Variants in CSMD2 observed in about 807,000 individuals in gnomAD.
CSMD2 encodes the protein CUB and Sushi multiple domains 2, also known as CUB and sushi domain-containing protein 2.
A neutral mutation model predicts 398.5 loss-of-function variants in CSMD2; 130 were observed. The ratio of observed to expected loss-of-function variants is 0.33; its 90% CI spans 0.28 to 0.38. The LOEUF is 0.38. CSMD2 is among the 10% of genes least tolerant of loss of function. The pLI is 1.00. For missense variants in CSMD2, 3,829 were observed against 4,764.9 expected (o/e 0.80, Z 5.78); for synonymous variants, 1,828 against 1,908.5 (o/e 0.96, Z 1.10).
intron 44 of CSMD2, chr1:33,592,402 G>A: frequency 1.4e-6 from 1 of 715,780 alleles, no homozygotes. Flanking sequence ...GTCAGCTCAG[G>A]TGTCCACCTC....
rs1248671026 is a variant in CSMD2 at position 34,164,210 on chromosome 1, C to G, written c.187+701G>C. Among the ~76,000 whole-genome samples the G allele has an allele frequency of 6.6e-6, 1 of 152,058 alleles. No homozygotes were observed. Among genetic ancestry groups the G allele is most frequent in the Non-Finnish European group, 1.5e-5 (1 of 67,980 alleles). On this transcript the variant is annotated intron_variant, in intron 1 of 70. Coordinates refer to ENST00000373381, the MANE Select transcript of CSMD2 (RefSeq NM_001281956.2). This position sits in a 1 kb window ranked among gnomAD's most constrained non-coding sequence, Gnocchi z 6.2. ...CCTCCCCCGCCTCGGGCTACAACCC[C>G]CACCCCCTCCTTCCCATCCCTCAAC...
At chr1:33,984,880 CAGGCAGGA>C (rs1387662392) in intron 3 of CSMD2, among the ~76,000 whole-genome samples, 41 of 145,490 alleles carry the variant, frequency 2.8e-4, no homozygotes, top group African/African-American at 1.1e-3. Context: ...GGCAGGCAGG[CAGGCAGGA>C]AGGAAGGAAG....
chr1:33,844,766 G>A (rs1324463248), intron 6 of CSMD2, among the ~76,000 whole-genome samples: 2 of 152,168 alleles, frequency 1.3e-5, no homozygotes, highest in Non-Finnish European at 2.9e-5. Context: ...ATTGAACAAA[G>A]TAATAAATGC....
intron 1 of CSMD2, among the ~76,000 whole-genome samples, chr1:34,136,640 T>C (rs1480734706): frequency 6.6e-6 from 1 of 152,202 alleles, no homozygotes; most frequent in Non-Finnish European, 1.5e-5. Context: ...TCAATTCCCA[T>C]GATGCCTTTA....
At chr1:34,139,618 A>G (rs924252989) in intron 1 of CSMD2, among the ~76,000 whole-genome samples, 2 of 152,212 alleles carry the variant, frequency 1.3e-5, no homozygotes, top group African/African-American at 4.8e-5. Flanking sequence ...AAACTGACAT[A>G]CCCACATATA....
At chr1:33,801,319 G>T (rs1165503625) in intron 10 of CSMD2, among the ~76,000 whole-genome samples, 1 of 152,178 alleles carries the variant, frequency 6.6e-6, no homozygotes, top group Non-Finnish European at 1.5e-5. Context: ...TGTTCATACT[G>T]AGAAGCTGCA....
intron 41 of CSMD2, chr1:33,605,848 C>T: frequency 1.2e-6 from 2 of 1,606,664 alleles, no homozygotes; most frequent in Non-Finnish European, 1.7e-6. Flanking sequence ...TTTCATGTTG[C>T]TTATCTCATT....
At chr1:34,078,077 C>G (rs1329602779) in intron 2 of CSMD2, among the ~76,000 whole-genome samples, 2 of 152,036 alleles carry the variant, frequency 1.3e-5, no homozygotes, top group East Asian at 3.8e-4. Context: ...TCAAACAATC[C>G]TCTTGCCTCA....
At chr1:34,115,958 C>A (rs1047088997) in intron 1 of CSMD2, among the ~76,000 whole-genome samples, 1 of 151,356 alleles carries the variant, frequency 6.6e-6, no homozygotes, top group Non-Finnish European at 1.5e-5. Context: ...AGAAGATGCA[C>A]CAAAGAATAT....
chr1:33,651,650 T>C (rs1427152290), intron 28 of CSMD2, among the ~76,000 whole-genome samples: 1 of 151,790 alleles, frequency 6.6e-6, no homozygotes, highest in Admixed American at 6.6e-5. Context: ...CTGGGAAGAG[T>C]AACTTCACAC....
Position 33,825,687 on chromosome 1 carries a change from G to T in CSMD2, c.1111+10C>A. 6.3e-7 allele frequency: 1 copy of T among 1,592,784 alleles called. No individual in the cohort carries two copies. Among genetic ancestry groups the T allele is most frequent in the East Asian group, 2.3e-5 (1 of 43,940 alleles). On this transcript the variant is annotated intron_variant, in intron 7 of 70. Coordinates refer to ENST00000373381, the MANE Select transcript of CSMD2 (RefSeq NM_001281956.2). ...AGGCCCGGCAGGCGGGCTGGCGGGC[G>T]GACACTTACACACAGACGTCTTCTG... is the stretch of plus-strand genomic sequence containing the variant.
chr1:33,828,410 C>T (rs921018346), intron 6 of CSMD2, among the ~76,000 whole-genome samples: 6 of 152,222 alleles, frequency 3.9e-5, no homozygotes, highest in African/African-American at 1.4e-4. Context: ...TGAGGGGTCT[C>T]TATGACCCGG....
At chr1:34,011,400 A>G (rs1315330554) in intron 3 of CSMD2, among the ~76,000 whole-genome samples, 1 of 152,130 alleles carries the variant, frequency 6.6e-6, no homozygotes, top group Non-Finnish European at 1.5e-5. Flanking sequence ...ATTTGCTCTG[A>G]GGTGAGGTAA....
At chr1:34,095,694 C>T (rs1469175026) in intron 1 of CSMD2, among the ~76,000 whole-genome samples, 8 of 151,534 alleles carry the variant, frequency 5.3e-5, no homozygotes, top group Non-Finnish European at 8.8e-5. Flanking sequence ...CATACACTCT[C>T]CCAAGACTAA....
intron 2 of CSMD2, among the ~76,000 whole-genome samples, chr1:34,063,833 C>G (rs919188258): frequency 6.6e-6 from 1 of 152,220 alleles, no homozygotes; most frequent in Non-Finnish European, 1.5e-5. Context: ...GGGCCCCGCC[C>G]GTACAGCAAA....
At chr1:33,557,665 CA>C in intron 55 of CSMD2, 68 bp downstream of exon 55, 2 of 1,317,184 alleles carry the variant, frequency 1.5e-6, no homozygotes, top group Non-Finnish European at 2.1e-6. Flanking sequence ...CACACATGCA[CA>C]GAGGGGAGGA....
At chr1:33,836,047 G>T (rs1329414541) in intron 6 of CSMD2, among the ~76,000 whole-genome samples, 1 of 151,942 alleles carries the variant, frequency 6.6e-6, no homozygotes, top group Non-Finnish European at 1.5e-5. Flanking sequence ...TTTTGGTGTG[G>T]ATGTCCTTTC....
rs1187526602 is a variant in CSMD2, at chr1:34,164,595, CTG to C, written c.187+314_187+315del. On this transcript the variant is annotated intron_variant, in intron 1 of 70. Transcript: ENST00000373381. The surrounding 1 kb of genome is among the most constrained non-coding windows in gnomAD (Gnocchi z 6.2). ...CGTGGGGGCTGGGAGGCTGGAGAAACTGAAGCCACAGACCAGGTGCCCCGCAA... is the reference window on the plus strand; with the variant it reads ...CGTGGGGGCTGGGAGGCTGGAGAAACAAGCCACAGACCAGGTGCCCCGCAA... 6.6e-6 allele frequency among the ~76,000 whole-genome samples: 1 copy of C among 152,074 alleles called. No homozygotes were observed. The highest frequency in any genetic ancestry group is 1.9e-4 in the East Asian group (1 of 5,134).
chr1:33,643,224 A>G (rs773988921), intron 29 of CSMD2, among the ~76,000 whole-genome samples: 33 of 152,244 alleles, frequency 2.2e-4, no homozygotes, highest in Non-Finnish European at 4.0e-4. Flanking sequence ...CTCCAGACTT[A>G]CAGGGTGTGG....
Sources: gnomAD v4.1 joint callset for allele counts (sites outside exome capture counted in the v4.1 genomes callset) on GRCh38, gnomAD v4.1.1 for gene constraint, Gnocchi (gnomAD v3.1) non-coding constraint, MANE v1.5 for transcripts, NCBI Gene and HGNC (gene_info 2026-07-23, HGNC 2026-07-21) for gene names.